The following FAM117B variants were observed in gnomAD, a reference collection of about 807,000 sequenced individuals.
FAM117B encodes the protein protein FAM117B.
Under a neutral mutation model 52.8 loss-of-function variants are expected in FAM117B, and 22 were observed. The observed-to-expected ratio is 0.42, with a 90% CI of 0.30 to 0.59. FAM117B has a LOEUF of 0.59. Ranked by LOEUF, FAM117B falls within the 20% of genes least tolerant of loss-of-function variation. The pLI, the probability that FAM117B is intolerant of heterozygous loss-of-function variation, is 0.22. For missense variants in FAM117B, 678 were observed against 802.6 expected, an observed-to-expected ratio of 0.84 and a Z score of 1.88; for synonymous variants, 309 against 324.1, an observed-to-expected ratio of 0.95 and a Z score of 0.50.
intron 4 of FAM117B, among the ~76,000 whole-genome samples, chr2:202,727,264 G>C (rs1234633414): frequency 6.6e-6 from 1 of 152,158 alleles, no homozygotes; most frequent in African/African-American, 2.4e-5. Context: ...GTGACTCTCA[G>C]GTTGTTTTAT....
rs541728010 is a variant in FAM117B at position 202,635,356 on chromosome 2, A to G, written c.169A>G (p.Ser57Gly). The G allele has an allele frequency of 2.2e-6, 3 of 1,375,636 alleles. No homozygotes were observed. Among genetic ancestry groups the G allele is most frequent in the East Asian group, 3.1e-5 (1 of 32,468 alleles). 85.2% of individuals were successfully genotyped at this position (1,375,636 alleles called of 1,614,324 possible). Residue 57 changes from serine (S) to glycine (G), a missense_variant, in exon 1 of 8, where the codon AGC becomes GGC. Ser to Gly is a moderately conservative substitution (Grantham distance 56, BLOSUM62 0). Transcript: ENST00000392238. Reference sequence around the variant, plus strand: ...GCAGCAACATGGCAGCCCCACGCGGAGCGGCGGCGGCGGCGGCGGCAACAA... The same window carrying G: ...GCAGCAACATGGCAGCCCCACGCGGGGCGGCGGCGGCGGCGGCGGCAACAA... ...QQQQHGSPTR[S>G]GGGGGGNNNG...
chr2:202,710,547 TTTC>T (rs1254640410), intron 2 of FAM117B, among the ~76,000 whole-genome samples: 2 of 152,236 alleles, frequency 1.3e-5, no homozygotes, highest in Non-Finnish European at 2.9e-5. Flanking sequence ...GCATTTATAA[TTTC>T]TTTGTATTAC....
intron 1 of FAM117B, among the ~76,000 whole-genome samples, chr2:202,637,188 C>T (rs1311289116): frequency 2.0e-5 from 3 of 152,026 alleles, no homozygotes; most frequent in Non-Finnish European, 2.9e-5. Context: ...TGCGCCACTG[C>T]GCCCGGCCCG....
chr2:202,672,013 CTTCA>C (rs2105766063), intron 1 of FAM117B, among the ~76,000 whole-genome samples: 1 of 152,204 alleles, frequency 6.6e-6, no homozygotes, highest in Non-Finnish European at 1.5e-5. Context: ...GTGTTAGTTA[CTTCA>C]TTCATAACCT....
chr2:202,707,120 C>A (rs962155111), intron 2 of FAM117B, among the ~76,000 whole-genome samples: 2 of 152,126 alleles, frequency 1.3e-5, no homozygotes, highest in Non-Finnish European at 2.9e-5. Context: ...TGGCTCACTG[C>A]AGCCTTGACC....
At position 202,690,966 on chromosome 2, in the gene FAM117B, A is replaced by G. The variant is rs148838689; in HGVS notation, c.602-4915A>G. The stretch of plus-strand genomic sequence containing the variant: ...AGATGTAGACTGTGTTCTTTATTAC[A>G]GGCTGCGACTTATTCTTTTTAATTT... On this transcript the variant is annotated intron_variant, in intron 1 of 7. Transcript: ENST00000392238. Among the ~76,000 whole-genome samples the G allele has an allele frequency of 2.5e-4, 37 of 147,578 alleles. 1 individual carries two copies. In the East Asian group the frequency reaches 7.0e-3, roughly 28 times the overall value.
rs780530386 is a variant in FAM117B at position 202,635,006 on chromosome 2, G to A, written c.-182G>A. The stretch of plus-strand genomic sequence containing the variant: ...ATTGTTGATGAGGAGCGGCGGCGGC[G>A]GCGGCGGCGGCTGCACCACCTCGTT... On this transcript the variant is annotated 5_prime_UTR_variant, in exon 1 of 8. Coordinates refer to ENST00000392238, the MANE Select transcript of FAM117B (RefSeq NM_173511.4). 3.7e-3 allele frequency among the ~76,000 whole-genome samples: 569 copies of A among 152,074 alleles called. 3 individuals carry two copies. The highest frequency in any genetic ancestry group is 6.2e-3 in the Non-Finnish European group (418 of 67,958).
intron 4 of FAM117B, among the ~76,000 whole-genome samples, chr2:202,735,832 G>T (rs1158170027): frequency 6.6e-6 from 1 of 152,016 alleles, no homozygotes; most frequent in Admixed American, 6.6e-5. Flanking sequence ...TGTGCACAAC[G>T]TGCAGGTTTG....
chr2:202,665,382 T>G (rs1391637590), intron 1 of FAM117B, among the ~76,000 whole-genome samples: 3 of 152,026 alleles, frequency 2.0e-5, no homozygotes, highest in Non-Finnish European at 4.4e-5. Flanking sequence ...TAGAATCTTT[T>G]TTACTTGCTC....
At chr2:202,720,762 T>C (rs1283885601) in intron 2 of FAM117B, among the ~76,000 whole-genome samples, 1 of 152,216 alleles carries the variant, frequency 6.6e-6, no homozygotes, top group East Asian at 1.9e-4. Context: ...CATTAAGTTT[T>C]TAAATGAATT....
At position 202,635,449 on chromosome 2, in the gene FAM117B, G is replaced by T. The variant is rs1219820816; in HGVS notation, c.262G>T (p.Ala88Ser). 8.5e-7 allele frequency: 1 copy of T among 1,173,120 alleles called. No homozygotes were observed. The highest frequency in any genetic ancestry group is 1.7e-5 in the African/African-American group (1 of 60,054). The allele number at this position is 1,173,120 out of a possible 1,614,324, so 72.7% of individuals were successfully genotyped here. A position where few individuals can be genotyped will look rare whatever the true frequency, so the allele number is the denominator to read the frequency against. Residue 88 changes from alanine (A) to serine (S), a missense_variant, in exon 1 of 8, where the codon GCC (alanine) becomes TCC (serine). Coordinates refer to ENST00000392238, the MANE Select transcript of FAM117B (RefSeq NM_173511.4). Reference sequence around the variant, plus strand: ...CGGCGGCGGCGGTGGCCCGCGCACCGCCTCGCGCAGCACCAGCCCCACGCG... The same window carrying T: ...CGGCGGCGGCGGTGGCCCGCGCACCTCCTCGCGCAGCACCAGCCCCACGCG... The part of the protein sequence containing the change: ...GGGGGGGPRT[A>S]SRSTSPTRGG...
At chr2:202,735,754 AT>A (rs1192251006) in intron 4 of FAM117B, among the ~76,000 whole-genome samples, 1 of 152,120 alleles carries the variant, frequency 6.6e-6, no homozygotes, top group African/African-American at 2.4e-5. Flanking sequence ...TGAGGTAAGA[AT>A]TTTATTTTTT....
At chr2:202,723,836 G>A (rs1353869714) in intron 2 of FAM117B, among the ~76,000 whole-genome samples, 4 of 152,122 alleles carry the variant, frequency 2.6e-5, no homozygotes, top group Non-Finnish European at 5.9e-5. Flanking sequence ...TTTGACAGCA[G>A]GTGCTGAATA....
chr2:202,765,779 TG>T lies in FAM117B; in HGVS notation c.*17del. The T allele has an allele frequency of 6.2e-7, 1 of 1,609,062 alleles. No individual in the cohort carries two copies. Among genetic ancestry groups the T allele is most frequent in the Non-Finnish European group, 8.5e-7 (1 of 1,176,722 alleles). ...CTGAAGGATAGGTCACAGTGCAACG[TG>T]GCTGTTGTTCTGGGAAATTGGGAAC... On this transcript the variant is annotated 3_prime_UTR_variant, in exon 8 of 8. Transcript: ENST00000392238.
chr2:202,690,596 A>G (rs1418111697), intron 1 of FAM117B, among the ~76,000 whole-genome samples: 1 of 152,200 alleles, frequency 6.6e-6, no homozygotes, highest in Non-Finnish European at 1.5e-5. Flanking sequence ...AAGGTTAAGC[A>G]TGAATTAGCC....
At chr2:202,667,515 T>C (rs1299251036) in intron 1 of FAM117B, among the ~76,000 whole-genome samples, 1 of 152,228 alleles carries the variant, frequency 6.6e-6, no homozygotes, top group East Asian at 1.9e-4. Context: ...TGCTGTCTCT[T>C]TTTCCATAGA....
At chr2:202,646,836 T>G (rs1689874862) in intron 1 of FAM117B, among the ~76,000 whole-genome samples, 1 of 152,034 alleles carries the variant, frequency 6.6e-6, no homozygotes, top group South Asian at 2.1e-4. Flanking sequence ...TGATTTTTTT[T>G]TACCTTGTTT....
At chr2:202,650,034 A>AT (rs1321999939) in intron 1 of FAM117B, among the ~76,000 whole-genome samples, 247 of 144,962 alleles carry the variant, frequency 1.7e-3, no homozygotes, top group Middle Eastern at 3.6e-3. Context: ...TACCTGGTTA[A>AT]TTTTTTTTTT....
At chr2:202,675,102 G>C (rs1193072910) in intron 1 of FAM117B, among the ~76,000 whole-genome samples, 2 of 151,878 alleles carry the variant, frequency 1.3e-5, no homozygotes, top group African/African-American at 4.8e-5. Context: ...AGGCATGGTG[G>C]CGCATGCCTG....
Sources: gnomAD v4.1 joint callset for allele counts (sites outside exome capture counted in the v4.1 genomes callset) on GRCh38, gnomAD v4.1.1 for gene constraint, MANE v1.5 for transcripts, NCBI Gene and HGNC (gene_info 2026-07-23, HGNC 2026-07-21) for gene names.